FMN2: variants seen among roughly 807,000 people sequenced by gnomAD.
FMN2 encodes formin-2.
Under a neutral mutation model 142.3 loss-of-function variants are expected in FMN2, and 51 were observed. The ratio of observed to expected loss-of-function variants is 0.36; its 90% CI spans 0.29 to 0.45. The LOEUF (loss-of-function observed/expected upper bound fraction) is 0.45. Among genes scored for constraint, FMN2 ranks in the 20% least tolerant of loss-of-function variants. The pLI, the probability that FMN2 is intolerant of heterozygous loss-of-function variation, is 1.00. For missense variants in FMN2, 1,936 were observed against 2,122.8 expected (o/e 0.91, Z 1.73); for synonymous variants, 882 against 869.8 (o/e 1.01, Z -0.25).
intron 16 of FMN2, among the ~76,000 whole-genome samples, chr1:240,462,617 T>C (rs941327056): frequency 1.3e-5 from 2 of 152,214 alleles, no homozygotes; most frequent in African/African-American, 4.8e-5. Flanking sequence ...TTACTGTGCA[T>C]CATCATCCAT....
intron 2 of FMN2, among the ~76,000 whole-genome samples, chr1:240,167,409 AAGTGCTTGGATTATAGGTGGG>A (rs1664523977): frequency 6.6e-6 from 1 of 152,140 alleles, no homozygotes; most frequent in Non-Finnish European, 1.5e-5. Context: ...TGTCCTCCCA[AAGTGCTTGGATTATAGGTGGG>A]AGCCATAGTG....
chr1:240,208,945 C>G (rs1486726556), intron 5 of FMN2, among the ~76,000 whole-genome samples: 1 of 152,052 alleles, frequency 6.6e-6, no homozygotes, highest in South Asian at 2.1e-4. Context: ...AATACATATA[C>G]GTATCAATGT....
intron 2 of FMN2, among the ~76,000 whole-genome samples, chr1:240,129,381 G>T (rs984480143): frequency 6.6e-6 from 1 of 151,916 alleles, no homozygotes; most frequent in East Asian, 1.9e-4. Flanking sequence ...TTATTTTAAA[G>T]ATGGTATTAA....
intron 14 of FMN2, among the ~76,000 whole-genome samples, chr1:240,379,466 A>G (rs544192768): frequency 6.6e-6 from 1 of 151,390 alleles, no homozygotes; most frequent in East Asian, 2.0e-4. Context: ...CCTCTCTGGA[A>G]CTCTGTTCCT....
At chr1:240,394,970 A>G (rs1673726733) in intron 15 of FMN2, among the ~76,000 whole-genome samples, 1 of 152,148 alleles carries the variant, frequency 6.6e-6, no homozygotes, top group Admixed American at 6.5e-5. Context: ...TCATTCTCAA[A>G]AATAAGTAAA....
At chr1:240,249,730 A>G (rs927141718) in intron 6 of FMN2, among the ~76,000 whole-genome samples, 5 of 152,140 alleles carry the variant, frequency 3.3e-5, no homozygotes, top group Admixed American at 6.5e-5. Flanking sequence ...CTTCCTGTCC[A>G]TGAGCATGGA....
intron 2 of FMN2, among the ~76,000 whole-genome samples, chr1:240,131,060 C>T (rs1235011927): frequency 2.0e-5 from 3 of 152,168 alleles, no homozygotes; most frequent in South Asian, 2.1e-4. Context: ...GTGGGCTCCA[C>T]AGTCAAAGTG....
chr1:240,189,229 C>T (rs181565979), intron 4 of FMN2, among the ~76,000 whole-genome samples: 1 of 150,708 alleles, frequency 6.6e-6, no homozygotes, highest in Admixed American at 6.6e-5. Flanking sequence ...TTGTGGATAG[C>T]AATTGCTCTT....
At chr1:240,129,557 C>T (rs113327742) in intron 2 of FMN2, among the ~76,000 whole-genome samples, 4,661 of 140,404 alleles carry the variant, frequency 0.033, 91 homozygotes, top group Admixed American at 0.054. Flanking sequence ...GGCTGGAGTA[C>T]AGTGGCGTGA....
intron 15 of FMN2, among the ~76,000 whole-genome samples, chr1:240,437,013 G>T (rs137954787): frequency 6.6e-6 from 1 of 152,100 alleles, no homozygotes; most frequent in African/African-American, 2.4e-5. Context: ...ACGCGTTATC[G>T]ACTGTATTGG....
At chr1:240,119,375 G>T (rs1662149050) in intron 1 of FMN2, among the ~76,000 whole-genome samples, 1 of 151,836 alleles carries the variant, frequency 6.6e-6, no homozygotes, top group Non-Finnish European at 1.5e-5. Flanking sequence ...TGCAGGGCGA[G>T]GATATCCTCA....
intron 13 of FMN2, among the ~76,000 whole-genome samples, chr1:240,349,169 T>TA (rs1672012692): frequency 6.6e-6 from 1 of 152,112 alleles, no homozygotes; most frequent in Non-Finnish European, 1.5e-5. Flanking sequence ...TCTGTGCACT[T>TA]ACACCTACTT....
intron 1 of FMN2, among the ~76,000 whole-genome samples, chr1:240,098,402 G>A (rs1661296675): frequency 6.6e-6 from 1 of 151,986 alleles, no homozygotes; most frequent in South Asian, 2.1e-4. Context: ...TATCAGTAGA[G>A]GGAAGAACCC....
rs565607870 is a variant in FMN2 at position 240,353,820 on chromosome 1, C to A, written c.4766-1996C>A. Among the ~76,000 whole-genome samples the A allele has an allele frequency of 9.9e-5, 15 of 152,240 alleles. No individual in the cohort carries two copies. The South Asian group carries it at 2.9e-3, about 29-fold the overall frequency. On this transcript the variant is annotated intron_variant, in intron 13 of 17. Transcript: ENST00000319653. ...TACATGACAGCCTTAACTCTGTATGCACAAGATGCCCTGGAATCACCAAAG... is the reference window on the plus strand; with the variant it reads ...TACATGACAGCCTTAACTCTGTATGAACAAGATGCCCTGGAATCACCAAAG...
intron 16 of FMN2, among the ~76,000 whole-genome samples, chr1:240,470,950 C>T (rs1448567428): frequency 1.3e-5 from 2 of 151,900 alleles, no homozygotes; most frequent in Admixed American, 6.6e-5. Flanking sequence ...AATTTTACTC[C>T]GTCTTTGCAA....
intron 13 of FMN2, among the ~76,000 whole-genome samples, chr1:240,335,649 A>C (rs1572205779): frequency 6.6e-6 from 1 of 152,250 alleles, no homozygotes; most frequent in African/African-American, 2.4e-5. Flanking sequence ...GGAATGGGTG[A>C]CCCTATTATC....
At chr1:240,109,658 C>T (rs962399318) in intron 1 of FMN2, among the ~76,000 whole-genome samples, 6 of 152,026 alleles carry the variant, frequency 3.9e-5, no homozygotes, top group Non-Finnish European at 5.9e-5. Context: ...TGAACTGAGA[C>T]GCACATTTGA....
chr1:240,376,046 A>G (rs1673032396), intron 14 of FMN2, among the ~76,000 whole-genome samples: 1 of 152,028 alleles, frequency 6.6e-6, no homozygotes, highest in Non-Finnish European at 1.5e-5. Flanking sequence ...TTCTTTTTGA[A>G]TTGATCCCTT....
chr1:240,367,286 A>G (rs962770473), intron 14 of FMN2, among the ~76,000 whole-genome samples: 4 of 151,960 alleles, frequency 2.6e-5, no homozygotes, highest in Non-Finnish European at 5.9e-5. Flanking sequence ...TTACTTATTG[A>G]GTTATTAGGA....
Sources: allele counts gnomAD v4.1 joint callset (sites outside exome capture counted in the v4.1 genomes callset), GRCh38; gene constraint gnomAD v4.1.1; transcripts MANE v1.5; gene names NCBI Gene and HGNC (gene_info 2026-07-23, HGNC 2026-07-21).